RER1: variants seen among roughly 807,000 people sequenced by gnomAD.
RER1 encodes the protein protein RER1.
In RER1, 6 loss-of-function variants were observed where a neutral mutation model predicts 28.3. That is an observed-to-expected ratio of 0.21 (90% confidence interval 0.12 to 0.42). RER1 has a LOEUF of 0.42. Among genes scored for constraint, RER1 ranks in the 10% least tolerant of loss-of-function variants. The pLI is 1.00. For synonymous variants in RER1, 110 were observed against 95.9 expected, an observed-to-expected ratio of 1.15 and a Z score of -0.86; for missense variants, 159 against 252.9, an observed-to-expected ratio of 0.63 and a Z score of 2.52.
chr1:2,392,380 G>C (rs1642692878), intron 1 of RER1, among the ~76,000 whole-genome samples: 1 of 152,236 alleles, frequency 6.6e-6, no homozygotes, highest in Non-Finnish European at 1.5e-5. Context: ...GTCCAGGTCA[G>C]CGCTTATCTG....
chr1:2,398,449 C>T (rs1221669173), intron 3 of RER1, among the ~76,000 whole-genome samples: 1 of 152,228 alleles, frequency 6.6e-6, no homozygotes, highest in East Asian at 1.9e-4. Flanking sequence ...AGTGCAGTGG[C>T]CTGATCTTGG....
At chr1:2,400,754 T>G (rs902796285) in intron 4 of RER1, 103 bp from the exon 5 acceptor site, 9 of 948,148 alleles carry the variant, frequency 9.5e-6, no homozygotes, top group Non-Finnish European at 1.5e-5. Context: ...GAATCTCGGT[T>G]TAGATTTGTG....
At chr1:2,393,904 G>A (rs1008420437) in intron 1 of RER1, 1 of 152,260 alleles carries the variant, frequency 6.6e-6, no homozygotes, top group Non-Finnish European at 1.5e-5. Flanking sequence ...TTCAGTTGGA[G>A]AGTGAGAAGT....
At chr1:2,401,341 T>C (rs1459296052) in intron 5 of RER1, among the ~76,000 whole-genome samples, 6 of 2,510 alleles carry the variant, frequency 2.4e-3, no homozygotes, top group Admixed American at 6.9e-3. Flanking sequence ...CCTCCCTCCT[T>C]CTCCCTCCTT....
intron 3 of RER1, among the ~76,000 whole-genome samples, chr1:2,398,886 G>T (rs577589265): frequency 2.0e-5 from 3 of 152,332 alleles, no homozygotes; most frequent in Non-Finnish European, 4.4e-5. Context: ...GATTTCTTCT[G>T]GGCAAAGGTT....
rs540930788 is a variant in RER1, at chr1:2,398,387, A to T, written c.187-1028A>T. ...TTTGTATAAGAAAGTTAAAGCATTT[A>T]TATTTTTATTTATTGTTTTGAGATG... On this transcript the variant is annotated intron_variant, in intron 3 of 6. Transcript: ENST00000605895. 2.6e-5 allele frequency among the ~76,000 whole-genome samples: 4 copies of T among 152,342 alleles called. No individual in the cohort carries two copies. In the East Asian group the frequency reaches 7.7e-4, roughly 29 times the overall value.
intron 1 of RER1, among the ~76,000 whole-genome samples, chr1:2,393,833 G>A (rs560875642): frequency 8.5e-5 from 13 of 152,306 alleles, no homozygotes; most frequent in South Asian, 2.1e-4. Context: ...TTTGGTATAC[G>A]TGTTGTGTGT....
At chr1:2,398,589 A>ATG (rs1184813301) in intron 3 of RER1, among the ~76,000 whole-genome samples, 2 of 152,194 alleles carry the variant, frequency 1.3e-5, no homozygotes, top group African/African-American at 4.8e-5. Flanking sequence ...AGGTTTCACC[A>ATG]TGTTGGCCAG....
intron 5 of RER1, 174 bp from the exon 6 acceptor site, chr1:2,402,033 C>A: frequency 6.5e-7 from 1 of 1,547,232 alleles, no homozygotes; most frequent in Non-Finnish European, 8.7e-7. Flanking sequence ...CAGTACATGT[C>A]TGTGAGCTAC....
At chr1:2,396,865 C>T (rs1642775431) in intron 2 of RER1, among the ~76,000 whole-genome samples, 1 of 152,242 alleles carries the variant, frequency 6.6e-6, no homozygotes, top group South Asian at 2.1e-4. Flanking sequence ...ATGTCACAGT[C>T]TCCTAGGAGA....
Position 2,403,851 on chromosome 1 carries a change from T to C in RER1, c.*727T>C, listed in dbSNP as rs564835112. 2.0e-5 allele frequency: 3 copies of C among 152,522 alleles called. No individual in the cohort carries two copies. The highest frequency in any genetic ancestry group is 4.4e-5 in the Non-Finnish European group (3 of 68,052). 9.4% of individuals were successfully genotyped at this position (152,522 alleles called of 1,614,324 possible). On this transcript the variant is annotated 3_prime_UTR_variant, in exon 7 of 7. Transcript: ENST00000605895. Reference sequence around the variant, plus strand: ...AACCCTCCATGAGGGGCAGCGAAGCTGGCAGGGAGCAGACTGGCTTTGTAG... The same window carrying C: ...AACCCTCCATGAGGGGCAGCGAAGCCGGCAGGGAGCAGACTGGCTTTGTAG...
At chr1:2,400,801 G>C (rs1642835322) in intron 4 of RER1, 56 bp from the exon 5 acceptor site, 1 of 1,390,818 alleles carries the variant, frequency 7.2e-7, no homozygotes, top group South Asian at 1.2e-5. Flanking sequence ...GGAAAAGGTA[G>C]AACTGTGATG....
At chr1:2,397,038 C>G (rs748456424) in intron 2 of RER1, 78 bp from the exon 3 acceptor site, 4 of 895,902 alleles carry the variant, frequency 4.5e-6, no homozygotes, top group Non-Finnish European at 7.2e-6. Flanking sequence ...CCAACCCTAG[C>G]AGAAGGTACA....
At chr1:2,402,010 T>G in intron 5 of RER1, 197 bp from the exon 6 acceptor site, 1 of 1,507,008 alleles carries the variant, frequency 6.6e-7, no homozygotes, top group Non-Finnish European at 8.9e-7. Flanking sequence ...GAAGGATGTT[T>G]CTGTGGTTAG....
At chr1:2,399,352 T>G in intron 3 of RER1, 63 bp from the exon 4 acceptor site, 1 of 1,152,360 alleles carries the variant, frequency 8.7e-7, no homozygotes, top group Non-Finnish European at 1.3e-6. Flanking sequence ...AGTGCAAACG[T>G]GAACTGGCTC....
At position 2,391,859 on chromosome 1, in the gene RER1, C is replaced by G. The variant is rs942695876; in HGVS notation, c.-107C>G. 3.4e-6 allele frequency: 1 copy of G among 293,556 alleles called. No individual in the cohort carries two copies. Among genetic ancestry groups the G allele is most frequent in the Admixed American group, 5.2e-5 (1 of 19,066 alleles). 18.2% of individuals were successfully genotyped at this position (293,556 alleles called of 1,614,324 possible). A position where few individuals can be genotyped will look rare whatever the true frequency, so the allele number is the denominator to read the frequency against. On this transcript the variant is annotated 5_prime_UTR_variant, in exon 1 of 7. Transcript: ENST00000605895. ...GGAGCGGAAGTGCTCGCTGCAGCTT[C>G]CCGGAGCCGGAGCGCAGCGCCTGCG...
At chr1:2,401,024 A>T in intron 5 of RER1, 89 bp downstream of exon 5, 7 of 1,099,802 alleles carry the variant, frequency 6.4e-6, no homozygotes, top group Non-Finnish European at 8.4e-6. Flanking sequence ...AAGTCACCTG[A>T]AAGATGACTG....
rs895787133 is a variant in RER1 at position 2,403,292 on chromosome 1, C to T, written c.*168C>T. 7 of 583,726 alleles carry T rather than the reference C, an allele frequency of 1.2e-5. No individual in the cohort carries two copies. The highest frequency in any genetic ancestry group is 1.2e-4 in the East Asian group (4 of 34,082). 36.2% of individuals were successfully genotyped at this position (583,726 alleles called of 1,614,324 possible). ...AATATCAGGTTCTAGAAGAAACTGG[C>T]GCTTAAACCAAATCGCATGGATTTC... On this transcript the variant is annotated 3_prime_UTR_variant, in exon 7 of 7. Transcript: ENST00000605895.
At chr1:2,393,987 C>T (rs1345506399) in intron 1 of RER1, 4 of 152,188 alleles carry the variant, frequency 2.6e-5, no homozygotes, top group Non-Finnish European at 4.4e-5. Context: ...CTCTCATCAC[C>T]TCCAGTCCAG....
Sources: allele counts gnomAD v4.1 joint callset (sites outside exome capture counted in the v4.1 genomes callset), GRCh38; gene constraint gnomAD v4.1.1; transcripts MANE v1.5; gene names NCBI Gene and HGNC (gene_info 2026-07-23, HGNC 2026-07-21).